The following THSD7B variants were observed in gnomAD, a reference collection of about 807,000 sequenced individuals.
The protein encoded by THSD7B is thrombospondin type-1 domain-containing protein 7B.
A neutral mutation model predicts 213.6 loss-of-function variants in THSD7B; 138 were observed. The ratio of observed to expected loss-of-function variants is 0.65; its 90% CI spans 0.56 to 0.74. The LOEUF (loss-of-function observed/expected upper bound fraction) is 0.74. THSD7B is among the 30% of genes least tolerant of loss of function. The pLI is 0.00. For synonymous variants in THSD7B, 742 were observed against 687.0 expected (o/e 1.08, Z -1.25); for missense variants, 1,931 against 1,991.5 (o/e 0.97, Z 0.58).
chr2:137,013,828 A>G (rs1309329985), intron 2 of THSD7B, among the ~76,000 whole-genome samples: 1 of 152,206 alleles, frequency 6.6e-6, no homozygotes, highest in Non-Finnish European at 1.5e-5. Context: ...CCTAGGAATT[A>G]GAAATTAAGA....
intron 2 of THSD7B, among the ~76,000 whole-genome samples, chr2:136,966,416 C>T (rs1685314769): frequency 1.3e-5 from 2 of 152,142 alleles, no homozygotes; most frequent in African/African-American, 2.4e-5. Context: ...AGGGTTTTAC[C>T]GTATCACTCA....
chr2:137,117,047 G>A (rs188948438), intron 5 of THSD7B, among the ~76,000 whole-genome samples: 22 of 152,290 alleles, frequency 1.4e-4, no homozygotes, highest in Admixed American at 1.0e-3. Flanking sequence ...TAACACGACT[G>A]TATACTCCTG....
chr2:137,415,815 G>C (rs1338824834), intron 14 of THSD7B, among the ~76,000 whole-genome samples: 1 of 151,588 alleles, frequency 6.6e-6, no homozygotes, highest in Non-Finnish European at 1.5e-5. Context: ...AAGTCTTTCT[G>C]ATTCCTCTAA....
rs1374283943 is a variant in THSD7B, at chr2:137,160,269, C to G, written c.1426C>G (p.Leu476Val). The change falls in exon 6 of 28, where the codon CTC (leucine) becomes GTC (valine). Residue 476 changes from leucine (L) to valine (V), a missense_variant. Leu to Val is a conservative substitution (Grantham distance 32). Coordinates refer to ENST00000409968, the MANE Select transcript of THSD7B (RefSeq NM_001316349.2). ...CVGPAPLPSQ[L>V]CNIPCSTDCI... ...GGGACCCGCCCCGTTGCCCTCTCAG[C>G]TCTGCAATATCCCTTGCTCTACGGA... 6.2e-7 allele frequency: 1 copy of G among 1,613,614 alleles called. No individual in the cohort carries two copies. Among genetic ancestry groups the G allele is most frequent in the East Asian group, 2.2e-5 (1 of 44,866 alleles).
intron 19 of THSD7B, among the ~76,000 whole-genome samples, chr2:137,619,879 C>T (rs1199557955): frequency 6.6e-6 from 1 of 152,162 alleles, no homozygotes; most frequent in African/African-American, 2.4e-5. Flanking sequence ...TTAATATTAG[C>T]TTGGTAAGGA....
At chr2:137,341,472 G>C (rs1290989747) in intron 12 of THSD7B, among the ~76,000 whole-genome samples, 1 of 151,074 alleles carries the variant, frequency 6.6e-6, no homozygotes, top group African/African-American at 2.4e-5. Context: ...TTTTGTTCTT[G>C]ATGACTGCAT....
At chr2:137,308,940 GA>G (rs1044310514) in intron 12 of THSD7B, among the ~76,000 whole-genome samples, 1 of 152,042 alleles carries the variant, frequency 6.6e-6, no homozygotes, top group Non-Finnish European at 1.5e-5. Context: ...TGAATGATAT[GA>G]CATTGTTTTT....
At chr2:136,927,605 G>A (rs1173382345) in intron 2 of THSD7B, among the ~76,000 whole-genome samples, 5 of 152,346 alleles carry the variant, frequency 3.3e-5, no homozygotes, top group Non-Finnish European at 7.3e-5. Context: ...AGGACATTGA[G>A]TTAGCATTTC....
chr2:137,286,671 T>G (rs908774227), intron 12 of THSD7B, among the ~76,000 whole-genome samples: 10 of 151,532 alleles, frequency 6.6e-5, no homozygotes, highest in African/African-American at 2.4e-4. Flanking sequence ...AAAACAGAGA[T>G]AGTCACAGCC....
chr2:136,791,943 T>C (rs1158280092), intron 1 of THSD7B, among the ~76,000 whole-genome samples: 1 of 152,058 alleles, frequency 6.6e-6, no homozygotes, highest in Non-Finnish European at 1.5e-5. Context: ...GTTTAACCTT[T>C]TGAAGAATTA....
intron 10 of THSD7B, among the ~76,000 whole-genome samples, chr2:137,246,491 A>G (rs1214611798): frequency 6.6e-6 from 1 of 152,212 alleles, no homozygotes; most frequent in Non-Finnish European, 1.5e-5. Flanking sequence ...TTTGTGACAT[A>G]GCAATGGATG....
chr2:137,279,161 A>T (rs542304305), intron 12 of THSD7B, among the ~76,000 whole-genome samples: 11 of 152,278 alleles, frequency 7.2e-5, no homozygotes, highest in African/African-American at 2.6e-4. Context: ...ACTCAAAGTG[A>T]GGAGTCAGAT....
At position 137,411,774 on chromosome 2, in the gene THSD7B, C is replaced by G. The variant is rs368768637; in HGVS notation, c.2861C>G (p.Ala954Gly). 20 of 1,613,914 alleles carry G rather than the reference C, an allele frequency of 1.2e-5. No individual in the cohort carries two copies. The African/African-American group carries it at 1.9e-4, about 15-fold the overall frequency. The change falls in exon 14 of 28, where the codon GCA becomes GGA. Residue 954 changes from alanine (A) to glycine (G), a missense_variant. Coordinates refer to ENST00000409968, the MANE Select transcript of THSD7B (RefSeq NM_001316349.2). ...CCTCACCGAGGACTGCGGGTACAAGCAGACAGCAAAGAATGTGGAGAAGGC... is the reference window on the plus strand; with the variant it reads ...CCTCACCGAGGACTGCGGGTACAAGGAGACAGCAAAGAATGTGGAGAAGGC... ...REPHRGLRVQ[A>G]DSKECGEGLR... is the part of the protein sequence containing the mutation.
At chr2:136,844,462 C>CAGAGAG (rs56716402) in intron 1 of THSD7B, among the ~76,000 whole-genome samples, 15,673 of 142,478 alleles carry the variant, frequency 0.11, 1,177 homozygotes, top group Non-Finnish European at 0.16. Flanking sequence ...CCACCCAAAA[C>CAGAGAG]AGAGAGAGAG....
Position 136,983,744 on chromosome 2 carries a change from G to C in THSD7B, c.140-72676G>C, listed in dbSNP as rs550557840. On this transcript the variant is annotated intron_variant, in intron 2 of 27. Transcript: ENST00000409968. ...AAAATAGAAGCTGTGGCAGAGAAAT[G>C]TGCCACGTTGGAGTGAATAAGCAGC... Among the ~76,000 whole-genome samples, 13 of 152,332 alleles carry C rather than the reference G, an allele frequency of 8.5e-5. No individual in the cohort carries two copies. The East Asian group carries it at 2.5e-3, about 29-fold the overall frequency.
intron 2 of THSD7B, among the ~76,000 whole-genome samples, chr2:136,975,702 GT>G (rs1319128643): frequency 6.6e-6 from 1 of 152,136 alleles, no homozygotes; most frequent in African/African-American, 2.4e-5. Context: ...TTTTAAAATA[GT>G]TTTTTCTAGT....
intron 14 of THSD7B, among the ~76,000 whole-genome samples, chr2:137,424,379 G>C (rs778545790): frequency 1.3e-5 from 2 of 152,108 alleles, no homozygotes; most frequent in Non-Finnish European, 2.9e-5. Context: ...AAAGAGGCTA[G>C]CATGATCCTT....
At chr2:137,086,392 GC>G (rs1355241839) in intron 3 of THSD7B, among the ~76,000 whole-genome samples, 1 of 151,904 alleles carries the variant, frequency 6.6e-6, no homozygotes, top group African/African-American at 2.4e-5. Flanking sequence ...AGCTATAGGG[GC>G]AAAACCATTT....
chr2:137,614,797 C>A (rs976922586), intron 17 of THSD7B, among the ~76,000 whole-genome samples: 1 of 152,044 alleles, frequency 6.6e-6, no homozygotes. Flanking sequence ...CAAACTTTTA[C>A]AATTAGAAGA....
Sources: allele counts gnomAD v4.1 joint callset (sites outside exome capture counted in the v4.1 genomes callset), GRCh38; gene constraint gnomAD v4.1.1; transcripts MANE v1.5; gene names NCBI Gene and HGNC (gene_info 2026-07-23, HGNC 2026-07-21).